Variants in CRB1 observed in about 807,000 individuals in gnomAD.
CRB1 encodes the protein protein crumbs homolog 1.
Under a neutral mutation model 120.0 loss-of-function variants are expected in CRB1, and 83 were observed. The observed-to-expected ratio is 0.69, with a 90% confidence interval of 0.58 to 0.83. The LOEUF is 0.83. Among genes scored for constraint, CRB1 ranks in the 40% least tolerant of loss-of-function variants. The pLI is 0.00. For synonymous variants in CRB1, 625 were observed against 612.5 expected (o/e 1.02, Z -0.30); for missense variants, 1,699 against 1,687.6 (o/e 1.01, Z -0.12).
chr1:197,345,384 T>C (rs543793344), intron 3 of CRB1, among the ~76,000 whole-genome samples: 1 of 152,194 alleles, frequency 6.6e-6, no homozygotes, highest in South Asian at 2.1e-4. Context: ...ACCAGAATGG[T>C]TTTCCTTTAT....
At chr1:197,348,379 C>T (rs768535368) in intron 4 of CRB1, among the ~76,000 whole-genome samples, 1 of 152,124 alleles carries the variant, frequency 6.6e-6, no homozygotes, top group Non-Finnish European at 1.5e-5. Context: ...TAGGCCTAGA[C>T]TATGGTGTGT....
intron 1 of CRB1, among the ~76,000 whole-genome samples, chr1:197,292,847 A>G (rs1053091714): frequency 1.3e-5 from 2 of 152,150 alleles, no homozygotes; most frequent in South Asian, 4.1e-4. Flanking sequence ...AAGGCCTTTG[A>G]CAAAATTCAA....
chr1:197,434,664 G>T (rs755243629), intron 8 of CRB1, 42 bp from the exon 9 acceptor site: 2 of 1,546,102 alleles, frequency 1.3e-6, no homozygotes, highest in Non-Finnish European at 8.9e-7. Flanking sequence ...GCAAACTATA[G>T]ATTTAATAAA....
Position 197,435,459 on chromosome 1 carries a change from A to T in CRB1, c.3596A>T (p.His1199Leu). ...TGCTCTGACAGAGTTGCAGCCTACC[A>T]CTGCACATGTGAGCCTGGATACACT... ...GNCSDRVAAY[H>L]CTCEPGYTGV... is the part of the protein sequence containing the mutation. The change falls in exon 9 of 12, where the codon CAC becomes CTC. Residue 1199 changes from histidine (H) to leucine (L), a missense_variant. His to Leu is a moderately conservative substitution (Grantham distance 99). Coordinates refer to ENST00000367400, the MANE Select transcript of CRB1 (RefSeq NM_201253.3). 6.3e-7 allele frequency: 1 copy of T among 1,596,762 alleles called. No individual in the cohort carries two copies. The highest frequency in any genetic ancestry group is 1.7e-4 in the Middle Eastern group (1 of 5,954).
At chr1:197,468,726 T>C (rs1352930814) in intron 11 of CRB1, among the ~76,000 whole-genome samples, 1 of 152,230 alleles carries the variant, frequency 6.6e-6, no homozygotes, top group Admixed American at 6.5e-5. Context: ...GCATATGTTA[T>C]GCCAGGCAGG....
At chr1:197,264,222 C>T (rs926677024), upstream of CRB1, among the ~76,000 whole-genome samples, 39 of 152,128 alleles carry the variant, frequency 2.6e-4, no homozygotes, top group Non-Finnish European at 4.7e-4. Flanking sequence ...TGAGAACATG[C>T]GGTATTTGTT....
At chr1:197,393,741 C>T (rs1244372547) in intron 5 of CRB1, among the ~76,000 whole-genome samples, 1 of 152,078 alleles carries the variant, frequency 6.6e-6, no homozygotes, top group East Asian at 1.9e-4. Context: ...ATAACCTCTG[C>T]TTTCATCAAC....
chr1:197,336,255 C>A (rs368074022), intron 2 of CRB1, among the ~76,000 whole-genome samples: 174 of 152,244 alleles, frequency 1.1e-3, no homozygotes, highest in African/African-American at 4.1e-3. Flanking sequence ...AGACATAATT[C>A]GAATTTCAGT....
intron 1 of CRB1, among the ~76,000 whole-genome samples, chr1:197,270,703 G>T (rs1259933441): frequency 6.6e-6 from 1 of 152,094 alleles, no homozygotes; most frequent in African/African-American, 2.4e-5. Context: ...AGAAACTGAG[G>T]CACATAGAGG....
chr1:197,445,981 G>A lies in CRB1; in HGVS notation c.4005+3689G>A, dbSNP rs552721637. On this transcript the variant is annotated intron_variant, in intron 11 of 11. Coordinates refer to ENST00000367400, the MANE Select transcript of CRB1 (RefSeq NM_201253.3). Reference sequence around the variant, plus strand: ...GAGGTGGGTGGATGACCTGCAGTCAGGAGTTCAAGATCAGCCTGACAAACA... The same window carrying A: ...GAGGTGGGTGGATGACCTGCAGTCAAGAGTTCAAGATCAGCCTGACAAACA... Among the ~76,000 whole-genome samples the A allele has an allele frequency of 3.9e-5, 6 of 152,224 alleles. No homozygotes were observed. In the East Asian group the frequency reaches 7.7e-4, roughly 20 times the overall value.
chr1:197,292,247 T>C (rs1340290818), intron 1 of CRB1, among the ~76,000 whole-genome samples: 1 of 151,960 alleles, frequency 6.6e-6, no homozygotes. Context: ...TCACCACCAA[T>C]CCCACAGAAG....
At chr1:197,372,366 C>T (rs1191810264) in intron 5 of CRB1, among the ~76,000 whole-genome samples, 3 of 152,278 alleles carry the variant, frequency 2.0e-5, no homozygotes, top group Admixed American at 2.0e-4. Context: ...CCAATAATGA[C>T]AGGGGCAATA....
the CRB1 span, among the ~76,000 whole-genome samples, chr1:197,252,582 A>ATATATGTGTGTGTGTGTGTGTG: frequency 3.9e-4 from 6 of 15,502 alleles, no homozygotes; most frequent in Non-Finnish European, 6.9e-4. Context: ...ATATATATAT[A>ATATATGTGTGTGTGTGTGTGTG]TGTGTGTGTG....
chr1:197,228,597 A>G, the CRB1 span, among the ~76,000 whole-genome samples: 1 of 152,210 alleles, frequency 6.6e-6, no homozygotes, highest in Non-Finnish European at 1.5e-5. Context: ...GTCTCTGGGA[A>G]GTTCCAAACT....
At chr1:197,318,901 G>C (rs537536060) in intron 1 of CRB1, among the ~76,000 whole-genome samples, 2 of 152,140 alleles carry the variant, frequency 1.3e-5, no homozygotes, top group South Asian at 4.1e-4. Context: ...TACACAGGAG[G>C]ATAAGTTCTG....
intron 11 of CRB1, among the ~76,000 whole-genome samples, chr1:197,446,729 G>T (rs1665718046): frequency 6.6e-6 from 1 of 152,178 alleles, no homozygotes; most frequent in African/African-American, 2.4e-5. Flanking sequence ...TAGTTGTAGA[G>T]AAGATAGATT....
intron 11 of CRB1, among the ~76,000 whole-genome samples, chr1:197,453,564 A>G (rs796489395): frequency 4.7e-4 from 58 of 124,104 alleles, no homozygotes; most frequent in South Asian, 1.3e-3. Context: ...AGAGAGAGAG[A>G]GAGAGGGAGA....
intron 11 of CRB1, among the ~76,000 whole-genome samples, chr1:197,476,934 A>C (rs1367488657): frequency 2.0e-5 from 3 of 152,198 alleles, no homozygotes; most frequent in Non-Finnish European, 4.4e-5. Flanking sequence ...GTTTGCTAAA[A>C]AGTGTTTGCA....
intron 1 of CRB1, among the ~76,000 whole-genome samples, chr1:197,289,796 T>G (rs1262936087): frequency 2.0e-5 from 3 of 151,752 alleles, no homozygotes; most frequent in Non-Finnish European, 4.4e-5. Context: ...ACAGATCTGT[T>G]TGCCTTTTAA....
Sources: allele counts gnomAD v4.1 joint callset (sites outside exome capture counted in the v4.1 genomes callset), GRCh38; gene constraint gnomAD v4.1.1; transcripts MANE v1.5; gene names NCBI Gene and HGNC (gene_info 2026-07-23, HGNC 2026-07-21).